The following COL10A1 variants were observed in gnomAD, a reference collection of about 807,000 sequenced individuals.
The protein encoded by COL10A1 is collagen alpha-1(X) chain.
COL10A1 carries 10 observed loss-of-function variants against 18.2 expected under a neutral mutation model. The observed-to-expected ratio is 0.55, with a 90% CI of 0.34 to 0.93. COL10A1 has a LOEUF of 0.93. COL10A1 is among the 40% of genes least tolerant of loss of function. COL10A1 has a pLI of 0.02. For synonymous variants in COL10A1, 330 were observed against 316.6 expected, an observed-to-expected ratio of 1.04 and a Z score of -0.45; for missense variants, 897 against 853.5, an observed-to-expected ratio of 1.05 and a Z score of -0.64.
At chr6:116,159,443 G>A (rs1435318602), upstream of COL10A1, among the ~76,000 whole-genome samples, 4 of 152,060 alleles carry the variant, frequency 2.6e-5, no homozygotes, top group Non-Finnish European at 5.9e-5. Context: ...TATTGCCTCT[G>A]AGTTAAAGTA....
intron 1 of COL10A1, among the ~76,000 whole-genome samples, chr6:116,133,578 C>T (rs1779519587): frequency 6.6e-6 from 1 of 152,142 alleles, no homozygotes; most frequent in African/African-American, 2.4e-5. Flanking sequence ...AACCCATCGT[C>T]AAAACGGATA....
chr6:116,182,172 C>T, the COL10A1 span, among the ~76,000 whole-genome samples: 2 of 151,458 alleles, frequency 1.3e-5, no homozygotes, highest in Non-Finnish European at 2.9e-5. Context: ...CAGGTTGCTA[C>T]AAATGCCATT....
intron 1 of COL10A1, among the ~76,000 whole-genome samples, chr6:116,151,922 G>A (rs1361767318): frequency 2.6e-5 from 4 of 152,150 alleles, no homozygotes; most frequent in African/African-American, 9.7e-5. Flanking sequence ...GGCTTCTGAA[G>A]TTTTATAAGA....
intron 1 of COL10A1, among the ~76,000 whole-genome samples, chr6:116,140,697 T>G (rs761852181): frequency 2.0e-5 from 3 of 152,182 alleles, no homozygotes; most frequent in African/African-American, 4.8e-5. Context: ...AATGTTTTTC[T>G]TGCATGTTTT....
chr6:116,196,019 G>A, the COL10A1 span, among the ~76,000 whole-genome samples: 17 of 151,976 alleles, frequency 1.1e-4, no homozygotes, highest in Non-Finnish European at 2.2e-4. Context: ...AGTACCTATT[G>A]TAACACTCAT....
Position 116,141,885 on chromosome 6 carries a change from AACACACACACACAC to A in COL10A1, c.-15-16392_-15-16379del, listed in dbSNP as rs3051942. ...GTAAAAGATTTTCTGCCAAAAAGAA[AACACACACACACAC>A]ACACACACACACACACACACACACA... On this transcript the variant is annotated intron_variant, in intron 1 of 1. Coordinates refer to the COL10A1 transcript ENST00000418500. Among the ~76,000 whole-genome samples the A allele has an allele frequency of 1.1e-4, 16 of 140,404 alleles. No individual in the cohort carries two copies. The South Asian group carries it at 1.1e-3, about 10-fold the overall frequency. 92.1% of individuals were successfully genotyped at this position (140,404 alleles called of 152,430 possible). A position where few individuals can be genotyped will look rare whatever the true frequency, so the allele number is the denominator to read the frequency against.
At chr6:116,150,977 T>G (rs1780023268) in intron 1 of COL10A1, among the ~76,000 whole-genome samples, 2 of 152,236 alleles carry the variant, frequency 1.3e-5, no homozygotes, top group Non-Finnish European at 2.9e-5. Context: ...TTATGATTTT[T>G]TGACAGGTGA....
At chr6:116,179,165 T>C in the COL10A1 span, among the ~76,000 whole-genome samples, 1 of 152,162 alleles carries the variant, frequency 6.6e-6, no homozygotes, top group Non-Finnish European at 1.5e-5. Context: ...TGTTTCTCTT[T>C]ATAGAAGAAT....
chr6:116,165,276 T>C, the COL10A1 span, among the ~76,000 whole-genome samples: 2 of 152,150 alleles, frequency 1.3e-5, no homozygotes, highest in African/African-American at 4.8e-5. Flanking sequence ...ATTTTTTCTT[T>C]AGCATTGACC....
At chr6:116,184,962 C>T in the COL10A1 span, among the ~76,000 whole-genome samples, 1 of 151,748 alleles carries the variant, frequency 6.6e-6, no homozygotes, top group Admixed American at 6.6e-5. Context: ...TTGAGTGTGA[C>T]CTTAGATTGT....
the COL10A1 span, among the ~76,000 whole-genome samples, chr6:116,179,845 T>G: frequency 6.6e-6 from 1 of 152,098 alleles, no homozygotes; most frequent in Non-Finnish European, 1.5e-5. Flanking sequence ...ATATACATAA[T>G]GCTCCAAAGA....
chr6:116,160,863 A>G (rs915637203), upstream of COL10A1, among the ~76,000 whole-genome samples: 1 of 152,120 alleles, frequency 6.6e-6, no homozygotes, highest in African/African-American at 2.4e-5. Context: ...AGGACTATAA[A>G]TCATGCTGCT....
At chr6:116,136,758 C>T (rs1406442967) in intron 1 of COL10A1, among the ~76,000 whole-genome samples, 1 of 152,122 alleles carries the variant, frequency 6.6e-6, no homozygotes, top group African/African-American at 2.4e-5. Flanking sequence ...TAACAATAAG[C>T]TATTCTTGGC....
intron 1 of COL10A1, among the ~76,000 whole-genome samples, chr6:116,144,011 A>C (rs1779829590): frequency 6.6e-6 from 1 of 152,216 alleles, no homozygotes; most frequent in South Asian, 2.1e-4. Context: ...TAGGAGCTTT[A>C]TCATTATGAT....
At chr6:116,131,911 T>A (rs182235169) in intron 1 of COL10A1, among the ~76,000 whole-genome samples, 1 of 152,268 alleles carries the variant, frequency 6.6e-6, no homozygotes, top group Admixed American at 6.5e-5. Context: ...TACTTATAAG[T>A]GAGAACATGC....
chr6:116,127,479 A>C (rs1779349685), upstream of COL10A1, among the ~76,000 whole-genome samples: 1 of 152,134 alleles, frequency 6.6e-6, no homozygotes, highest in African/African-American at 2.4e-5. Flanking sequence ...AGAATAACAA[A>C]ATAGGAAAGT....
rs1252811653 is a variant in COL10A1 at position 116,120,509 on chromosome 6, C to T, written c.1607G>A (p.Gly536Glu). 1.9e-6 allele frequency: 3 copies of T among 1,614,068 alleles called. No homozygotes were observed. Among genetic ancestry groups the T allele is most frequent in the Admixed American group, 1.7e-5 (1 of 60,006 alleles). The part of the protein sequence containing the change: ...IKAGQRPSLS[G>E]TPLVSANQGV... The stretch of plus-strand genomic sequence containing the variant: ...CTGGTTGGCACTAACAAGAGGGGTC[C>T]CAGAAAGACTGGGCCTTTGGCCTGC... The change falls in exon 3 of 3, where the codon GGG (glycine) becomes GAG (glutamate). Residue 536 changes from glycine to glutamate, a missense_variant. Transcript: ENST00000651968.
At chr6:116,167,353 C>T in the COL10A1 span, among the ~76,000 whole-genome samples, 1 of 151,954 alleles carries the variant, frequency 6.6e-6, no homozygotes. Context: ...ATTGGGACTA[C>T]AGGCATGCGC....
chr6:116,143,974 A>G (rs898230954), intron 1 of COL10A1, among the ~76,000 whole-genome samples: 7 of 152,170 alleles, frequency 4.6e-5, no homozygotes, highest in Non-Finnish European at 7.3e-5. Context: ...AAACCTTTTT[A>G]TAACTTGAGA....
Sources: gnomAD v4.1 joint callset for allele counts (sites outside exome capture counted in the v4.1 genomes callset) on GRCh38, gnomAD v4.1.1 for gene constraint, MANE v1.5 for transcripts, NCBI Gene and HGNC (gene_info 2026-07-23, HGNC 2026-07-21) for gene names.